The following CCDC144A variants were observed in gnomAD, a reference collection of about 807,000 sequenced individuals.
The protein encoded by CCDC144A is coiled-coil domain containing 144A.
CCDC144A carries 41 observed loss-of-function variants against 143.8 expected under a neutral mutation model. The ratio of observed to expected loss-of-function variants is 0.29; its 90% confidence interval spans 0.22 to 0.37. The LOEUF is 0.37. CCDC144A is among the 10% of genes least tolerant of loss of function. The pLI is 1.00. For synonymous variants in CCDC144A, 242 were observed against 517.9 expected, an observed-to-expected ratio of 0.47 and a Z score of 7.23; for missense variants, 637 against 1,488.8, an observed-to-expected ratio of 0.43 and a Z score of 9.41.
chr17:16,728,825 C>T (rs549120050), intron 9 of CCDC144A, among the ~76,000 whole-genome samples: 16 of 152,246 alleles, frequency 1.1e-4, no homozygotes, highest in South Asian at 2.1e-4. Context: ...CTATTATGAG[C>T]GAGAATGTGG....
In CCDC144A at chr17:16,775,958, G is replaced by A. The variant is rs571541706; in HGVS notation, c.*2325G>A. On this transcript the variant is annotated 3_prime_UTR_variant, in exon 17 of 17. Coordinates refer to ENST00000399273, the MANE Select transcript of CCDC144A (RefSeq NM_001382000.1). ...TTCTCCCAGCACCATTTATTAAATA[G>A]GGAATCTTTTCCCCATTGCTTCCTT... 3.6e-3 allele frequency: 546 copies of A among 152,322 alleles called. 2 individuals carry two copies. Among genetic ancestry groups the A allele is most frequent in the African/African-American group, 0.012 (497 of 41,554 alleles). The allele number at this position is 152,322 out of a possible 1,614,324, so 9.4% of individuals were successfully genotyped here.
rs1396991310 is a variant in CCDC144A at position 16,752,499 on chromosome 17, C to T, written c.3373-8926C>T. ...CCTCTTCTTGAGCTCAGGCCACAGACACCAGCTCAGTATACTTGAGCAGTG... is the reference window on the plus strand; with the variant it reads ...CCTCTTCTTGAGCTCAGGCCACAGATACCAGCTCAGTATACTTGAGCAGTG... On this transcript the variant is annotated intron_variant, in intron 12 of 16. Transcript: ENST00000399273. Among the ~76,000 whole-genome samples, 240 of 150,660 alleles carry T rather than the reference C, an allele frequency of 1.6e-3. 1 individual carries two copies. The highest frequency in any genetic ancestry group is 2.8e-3 in the East Asian group (14 of 5,050).
At chr17:16,749,152 T>C (rs1914669995) in intron 12 of CCDC144A, among the ~76,000 whole-genome samples, 1 of 152,152 alleles carries the variant, frequency 6.6e-6, no homozygotes, top group Non-Finnish European at 1.5e-5. Flanking sequence ...GTTATTTTGT[T>C]CTTGTTTTTT....
At chr17:16,763,870 A>C (rs1567610740) in intron 14 of CCDC144A, 95 bp from the exon 15 acceptor site, 1 of 1,328,488 alleles carries the variant, frequency 7.5e-7, no homozygotes, top group South Asian at 1.6e-5. Context: ...TATTCCATTT[A>C]CTCTTAATGG....
chr17:16,761,258 C>T (rs959705323), intron 12 of CCDC144A, among the ~76,000 whole-genome samples, 167 bp from the exon 13 acceptor site: 3 of 151,092 alleles, frequency 2.0e-5, no homozygotes, highest in East Asian at 2.0e-4. Context: ...GGCCTGAACC[C>T]GGGAGGCAGA....
rs560447672 is a variant in CCDC144A, at chr17:16,737,661, C to G, written c.3372+2018C>G. ...ACAGGATTCAAAGAAGAAATTGGGT[C>G]AAATCAGAAGTGAAGTATGTATGAA... On this transcript the variant is annotated intron_variant, in intron 12 of 16. Coordinates refer to ENST00000399273, the MANE Select transcript of CCDC144A (RefSeq NM_001382000.1). 5.0e-4 allele frequency: 652 copies of G among 1,293,412 alleles called. 3 individuals are homozygous for G. In the African/African-American group the frequency reaches 8.8e-3, roughly 18 times the overall value. 80.1% of individuals were successfully genotyped at this position (1,293,412 alleles called of 1,614,324 possible). A position where few individuals can be genotyped will look rare whatever the true frequency, so the allele number is the denominator to read the frequency against.
At chr17:16,723,578 G>A (rs1371953653) in intron 8 of CCDC144A, among the ~76,000 whole-genome samples, 1 of 152,164 alleles carries the variant, frequency 6.6e-6, no homozygotes, top group Non-Finnish European at 1.5e-5. Flanking sequence ...AAAAGTCCAA[G>A]ATCTAGGTGC....
intron 15 of CCDC144A, among the ~76,000 whole-genome samples, chr17:16,768,051 C>T (rs1403158343): frequency 6.6e-6 from 1 of 152,280 alleles, no homozygotes; most frequent in Non-Finnish European, 1.5e-5. Context: ...TATATACCTT[C>T]TAAGCTATAT....
chr17:16,738,917 A>G (rs1318071799), intron 12 of CCDC144A, among the ~76,000 whole-genome samples: 2 of 151,786 alleles, frequency 1.3e-5, no homozygotes, highest in African/African-American at 4.9e-5. Flanking sequence ...TCAGCATTGT[A>G]TGAGGGTTCT....
intron 12 of CCDC144A, among the ~76,000 whole-genome samples, chr17:16,759,551 G>T (rs1470338150): frequency 1.3e-5 from 2 of 151,312 alleles, no homozygotes; most frequent in South Asian, 4.2e-4. Flanking sequence ...ACTTTCAGCG[G>T]CTGTGTAGTA....
chr17:16,709,707 GA>G (rs1308293379), intron 5 of CCDC144A, 72 bp downstream of exon 5: 27 of 1,507,118 alleles, frequency 1.8e-5, no homozygotes, highest in Middle Eastern at 2.5e-4. Context: ...TTCCACTTAG[GA>G]AAAGCATATG....
chr17:16,717,239 C>T (rs1422031176), intron 6 of CCDC144A, among the ~76,000 whole-genome samples: 3 of 151,654 alleles, frequency 2.0e-5, no homozygotes, highest in Non-Finnish European at 4.4e-5. Context: ...CTCAGCCTCC[C>T]GAATAGCTGG....
At chr17:16,670,381 G>A in the CCDC144A span, among the ~76,000 whole-genome samples, 2 of 143,510 alleles carry the variant, frequency 1.4e-5, no homozygotes, top group African/African-American at 2.6e-5. Flanking sequence ...TCTGCCTCCC[G>A]GGTTCAAGTC....
At chr17:16,686,747 AACACACAC>A (rs142329474), upstream of CCDC144A, among the ~76,000 whole-genome samples, 1,008 of 140,484 alleles carry the variant, frequency 7.2e-3, 11 homozygotes, top group African/African-American at 0.021. Context: ...CACACACACA[AACACACAC>A]ACACACACAC....
rs568671288 is a variant in CCDC144A at position 16,695,923 on chromosome 17, A to T, written c.415+2874A>T. On this transcript the variant is annotated intron_variant, in intron 2 of 16. Coordinates refer to ENST00000399273, the MANE Select transcript of CCDC144A (RefSeq NM_001382000.1). Reference sequence around the variant, plus strand: ...GTGCAAAAGTAAGATGCTTGAGTGAACTTTGCAGGGTTTATGAGCAGTTCA... The same window carrying T: ...GTGCAAAAGTAAGATGCTTGAGTGATCTTTGCAGGGTTTATGAGCAGTTCA... 3.9e-5 allele frequency among the ~76,000 whole-genome samples: 6 copies of T among 152,034 alleles called. No individual in the cohort carries two copies. In the South Asian group the frequency reaches 1.2e-3, roughly 31 times the overall value.
chr17:16,673,545 C>A, the CCDC144A span, among the ~76,000 whole-genome samples: 1 of 151,928 alleles, frequency 6.6e-6, no homozygotes, highest in Non-Finnish European at 1.5e-5. Context: ...TGCCACCACG[C>A]CCGGCTAATT....
At chr17:16,711,155 A>C (rs1293166356) in intron 5 of CCDC144A, among the ~76,000 whole-genome samples, 4 of 143,370 alleles carry the variant, frequency 2.8e-5, no homozygotes, top group South Asian at 4.4e-4. Context: ...AAAAAAAAAA[A>C]AAACAAAAGT....
intron 12 of CCDC144A, among the ~76,000 whole-genome samples, chr17:16,754,531 A>T (rs1303160287): frequency 6.6e-6 from 1 of 152,228 alleles, no homozygotes; most frequent in Non-Finnish European, 1.5e-5. Context: ...ATTCAGGAGC[A>T]TGCTGTTTAA....
At chr17:16,676,809 C>T in the CCDC144A span, among the ~76,000 whole-genome samples, 1 of 152,014 alleles carries the variant, frequency 6.6e-6, no homozygotes, top group African/African-American at 2.4e-5. Flanking sequence ...AACAATTCCC[C>T]CTCACTGTTC....
Sources: gnomAD v4.1 joint callset for allele counts (sites outside exome capture counted in the v4.1 genomes callset) on GRCh38, gnomAD v4.1.1 for gene constraint, MANE v1.5 for transcripts, NCBI Gene and HGNC (gene_info 2026-07-23, HGNC 2026-07-21) for gene names.